The following ROBO2 variants were observed in gnomAD, a reference collection of about 807,000 sequenced individuals.
ROBO2 encodes roundabout guidance receptor 2.
In ROBO2, 53 loss-of-function variants were observed where a neutral mutation model predicts 160.8. The observed-to-expected ratio is 0.33, with a 90% CI of 0.26 to 0.41. The LOEUF is 0.41. ROBO2 is among the 10% of genes least tolerant of loss of function. ROBO2 has a pLI of 1.00. For synonymous variants in ROBO2, 664 were observed against 611.7 expected (o/e 1.09, Z -1.26); for missense variants, 1,577 against 1,722.4 (o/e 0.92, Z 1.49).
At chr3:75,956,568 A>T (rs1214346326) in intron 2 of ROBO2, among the ~76,000 whole-genome samples, 2 of 151,760 alleles carry the variant, frequency 1.3e-5, no homozygotes, top group Admixed American at 6.6e-5. Flanking sequence ...GGTCCTTGGA[A>T]TATAGTGACC....
chr3:76,225,812 GC>G (rs1246537211), intron 2 of ROBO2, among the ~76,000 whole-genome samples: 1 of 152,080 alleles, frequency 6.6e-6, no homozygotes, highest in African/African-American at 2.4e-5. Context: ...ATTTTTAAAA[GC>G]CTGAAACTAT....
At chr3:75,907,846 C>CGTGT (rs965186024) in intron 1 of ROBO2, among the ~76,000 whole-genome samples, 2 of 77,798 alleles carry the variant, frequency 2.6e-5, no homozygotes, top group African/African-American at 1.1e-4. Flanking sequence ...TTTTTTTAAT[C>CGTGT]GTGTGCGTGT....
intron 5 of ROBO2, among the ~76,000 whole-genome samples, chr3:77,519,155 A>G (rs1000634296): frequency 7.9e-5 from 12 of 151,560 alleles, no homozygotes; most frequent in Non-Finnish European, 1.5e-5. Flanking sequence ...GTAATATGCA[A>G]TCATAGAATG....
chr3:76,680,161 G>A (rs1208414914), intron 2 of ROBO2, among the ~76,000 whole-genome samples: 1 of 151,894 alleles, frequency 6.6e-6, no homozygotes, highest in African/African-American at 2.4e-5. Context: ...AAATCTATTG[G>A]ACTTGAAATT....
chr3:77,531,262 C>T (rs1252535535), intron 6 of ROBO2, among the ~76,000 whole-genome samples: 3 of 151,984 alleles, frequency 2.0e-5, no homozygotes, highest in African/African-American at 7.2e-5. Context: ...AAGTATGCTT[C>T]CTTTTGATGG....
At chr3:76,928,443 T>C (rs1020377742) in intron 2 of ROBO2, among the ~76,000 whole-genome samples, 3 of 142,318 alleles carry the variant, frequency 2.1e-5, no homozygotes, top group African/African-American at 8.6e-5. Context: ...TGCTACTAAG[T>C]TTATGATAAT....
chr3:76,620,229 G>C (rs1161541040), intron 2 of ROBO2, among the ~76,000 whole-genome samples: 4 of 152,038 alleles, frequency 2.6e-5, no homozygotes, highest in Non-Finnish European at 5.9e-5. Context: ...TTCTCCATGA[G>C]GATTTTCTTA....
At chr3:77,250,563 T>A (rs79618741) in intron 2 of ROBO2, among the ~76,000 whole-genome samples, 1 of 152,210 alleles carries the variant, frequency 6.6e-6, no homozygotes, top group African/African-American at 2.4e-5. Flanking sequence ...GGTCTTTTTT[T>A]CCCCGGAATC....
intron 2 of ROBO2, among the ~76,000 whole-genome samples, chr3:77,471,002 G>A (rs914250892): frequency 1.3e-5 from 2 of 152,100 alleles, no homozygotes; most frequent in Admixed American, 6.6e-5. Flanking sequence ...TATCTTTCTC[G>A]TAATGTTTAG....
intron 2 of ROBO2, among the ~76,000 whole-genome samples, chr3:76,990,534 T>TA (rs2060606225): frequency 6.6e-6 from 1 of 152,182 alleles, no homozygotes; most frequent in African/African-American, 2.4e-5. Context: ...TTGGAACTGT[T>TA]ACAGTAGATA....
chr3:77,137,369 G>T (rs1163352391), intron 2 of ROBO2, among the ~76,000 whole-genome samples: 2 of 152,108 alleles, frequency 1.3e-5, no homozygotes, highest in Non-Finnish European at 2.9e-5. Flanking sequence ...TGGGATTACA[G>T]GCATGCGCCA....
intron 2 of ROBO2, among the ~76,000 whole-genome samples, chr3:76,762,652 C>T (rs929758085): frequency 1.3e-5 from 2 of 151,592 alleles, no homozygotes; most frequent in African/African-American, 4.8e-5. Context: ...ATACACTTCA[C>T]GTTCTGGTTT....
chr3:77,243,635 G>T (rs1045802709), intron 2 of ROBO2, among the ~76,000 whole-genome samples: 1 of 152,168 alleles, frequency 6.6e-6, no homozygotes, highest in Admixed American at 6.5e-5. Flanking sequence ...CATTGAAGGT[G>T]CTCAGCACTG....
chr3:77,029,562 C>T (rs2063184248), intron 2 of ROBO2, among the ~76,000 whole-genome samples: 1 of 152,166 alleles, frequency 6.6e-6, no homozygotes, highest in African/African-American at 2.4e-5. Context: ...ACCTTTACTA[C>T]ATTTTGCAAG....
chr3:76,018,942 G>A (rs952098310), intron 2 of ROBO2, among the ~76,000 whole-genome samples: 2 of 151,678 alleles, frequency 1.3e-5, no homozygotes, highest in African/African-American at 4.8e-5. Flanking sequence ...TGAGAATACG[G>A]TGTATTCCTT....
intron 2 of ROBO2, among the ~76,000 whole-genome samples, chr3:76,100,843 A>G (rs2069653515): frequency 6.6e-6 from 1 of 152,168 alleles, no homozygotes; most frequent in Non-Finnish European, 1.5e-5. Context: ...TACTGGGTTA[A>G]GTTCTCCTCA....
chr3:77,478,983 C>T (rs1290259164), intron 3 of ROBO2, among the ~76,000 whole-genome samples: 2 of 152,092 alleles, frequency 1.3e-5, no homozygotes, highest in African/African-American at 2.4e-5. Context: ...TATGTAAGTG[C>T]AAGGGAATCA....
chr3:76,386,573 T>C (rs2076902425), intron 2 of ROBO2, among the ~76,000 whole-genome samples: 2 of 152,230 alleles, frequency 1.3e-5, no homozygotes, highest in South Asian at 4.2e-4. Flanking sequence ...TGTTCCCTTC[T>C]TCAAAATGAG....
At chr3:76,755,141 T>C (rs564732428) in intron 2 of ROBO2, among the ~76,000 whole-genome samples, 2 of 151,990 alleles carry the variant, frequency 1.3e-5, no homozygotes, top group African/African-American at 4.8e-5. Context: ...ACTCAGATTA[T>C]TGATTAAATG....
Sources: gnomAD v4.1 joint callset for allele counts (sites outside exome capture counted in the v4.1 genomes callset) on GRCh38, gnomAD v4.1.1 for gene constraint, MANE v1.5 for transcripts, NCBI Gene and HGNC (gene_info 2026-07-23, HGNC 2026-07-21) for gene names.